The following KCTD1 variants were observed in gnomAD, a reference collection of about 807,000 sequenced individuals.
KCTD1 encodes the protein BTB/POZ domain-containing protein KCTD1.
Under a neutral mutation model 66.0 loss-of-function variants are expected in KCTD1, and 24 were observed. The observed-to-expected ratio is 0.36, with a 90% CI of 0.26 to 0.51. The LOEUF (loss-of-function observed/expected upper bound fraction) is 0.51. Ranked by LOEUF, KCTD1 falls within the 20% of genes least tolerant of loss-of-function variation. The probability of loss-of-function intolerance (pLI) is 0.95; values close to 1 mark genes in which losing one functional copy is unlikely to be tolerated. For missense variants in KCTD1, 943 were observed against 1,205.2 expected (o/e 0.78, Z 3.22); for synonymous variants, 511 against 517.2 (o/e 0.99, Z 0.16).
chr18:26,536,558 G>A (rs1449238787), intron 1 of KCTD1, among the ~76,000 whole-genome samples: 1 of 152,202 alleles, frequency 6.6e-6, no homozygotes, highest in South Asian at 2.1e-4. Flanking sequence ...CCATTTCTGA[G>A]ATACTAATAC....
intron 1 of KCTD1, among the ~76,000 whole-genome samples, chr18:26,529,271 C>A (rs1388548874): frequency 6.6e-6 from 1 of 152,174 alleles, no homozygotes; most frequent in East Asian, 1.9e-4. Context: ...CGCATCTCCC[C>A]CTCCACTCAA....
At chr18:26,517,964 C>A (rs1397156933) in intron 1 of KCTD1, among the ~76,000 whole-genome samples, 1 of 152,218 alleles carries the variant, frequency 6.6e-6, no homozygotes, top group East Asian at 1.9e-4. Flanking sequence ...AGTCCCCCAA[C>A]CAGGGCAAAG....
intron 1 of KCTD1, chr18:26,544,174 G>A (rs1985103648): frequency 6.6e-6 from 1 of 152,108 alleles, no homozygotes; most frequent in South Asian, 2.1e-4. Flanking sequence ...CCATTCAAGA[G>A]AATTAAAGAG....
intron 1 of KCTD1, among the ~76,000 whole-genome samples, chr18:26,567,464 A>G (rs1370310909): frequency 6.7e-6 from 1 of 148,726 alleles, no homozygotes; most frequent in Non-Finnish European, 1.5e-5. Flanking sequence ...GTTGTTCTAG[A>G]AATGCTGTTG....
chr18:26,617,523 T>G (rs1231973382), intron 1 of KCTD1, among the ~76,000 whole-genome samples: 1 of 152,232 alleles, frequency 6.6e-6, no homozygotes, highest in African/African-American at 2.4e-5. Flanking sequence ...TTGGGTACTA[T>G]TATTGAGCTG....
chr18:26,606,487 T>G (rs1012410076), intron 1 of KCTD1, among the ~76,000 whole-genome samples: 3 of 152,216 alleles, frequency 2.0e-5, no homozygotes, highest in Admixed American at 1.3e-4. Flanking sequence ...CTGGCTGGCC[T>G]CGTGACTTGC....
rs535388125 is a variant in KCTD1 at position 26,628,347 on chromosome 18, C to A, written c.-16+800G>T. On this transcript the variant is annotated intron_variant, in intron 1 of 4. Coordinates refer to the KCTD1 transcript ENST00000317932. ...ATACACACACACACATGCACACACACACACACAGACCTTTTTTCATAGATC... is the reference window on the plus strand; with the variant it reads ...ATACACACACACACATGCACACACAAACACACAGACCTTTTTTCATAGATC... Among the ~76,000 whole-genome samples, 3 of 152,282 alleles carry A rather than the reference C, an allele frequency of 2.0e-5. No homozygotes were observed. The South Asian group carries it at 6.2e-4, about 32-fold the overall frequency.
At chr18:26,629,610 C>G (rs553834545), upstream of KCTD1, among the ~76,000 whole-genome samples, 4 of 152,154 alleles carry the variant, frequency 2.6e-5, no homozygotes, top group Non-Finnish European at 5.9e-5. Flanking sequence ...TACATTGCAA[C>G]CTCAAAGATG....
intron 1 of KCTD1, among the ~76,000 whole-genome samples, chr18:26,625,545 T>C (rs1043392681): frequency 1.3e-5 from 2 of 152,172 alleles, no homozygotes; most frequent in Admixed American, 1.3e-4. Flanking sequence ...CCTTCCACCA[T>C]GATTGTAAGT....
In KCTD1 at chr18:26,548,176, G is replaced by A. The variant is rs1208297625; in HGVS notation, c.361C>T (p.His121Tyr). ...AGEELEPEPV[H>Y]MINMDQSAAL... The stretch of plus-strand genomic sequence containing the variant: ...GCGCTCTGGTCCATATTGATCATAT[G>A]GACCGGCTCGGGCTCCAGCTCCTCC... The change falls in exon 1 of 5, where the codon CAT becomes TAT. Residue 121 changes from histidine (H) to tyrosine (Y), a missense_variant. Physicochemically the swap from His to Tyr is moderately conservative, Grantham distance 83. Coordinates refer to ENST00000580059, the MANE Select transcript of KCTD1 (RefSeq NM_001142730.3). The A allele has an allele frequency of 2.0e-6, 3 of 1,492,728 alleles. No homozygotes were observed. The African/African-American group carries it at 4.2e-5, about 21-fold the overall frequency. The allele number at this position is 1,492,728 out of a possible 1,614,324, so 92.5% of individuals were successfully genotyped here.
chr18:26,654,257 A>T (rs1186181452), intron 1 of KCTD1, among the ~76,000 whole-genome samples: 1 of 152,226 alleles, frequency 6.6e-6, no homozygotes, highest in Non-Finnish European at 1.5e-5. Context: ...AAATAATTTG[A>T]TGCCAAAAGG....
intron 1 of KCTD1, among the ~76,000 whole-genome samples, chr18:26,518,316 T>G (rs1353915574): frequency 2.6e-5 from 4 of 152,172 alleles, no homozygotes; most frequent in African/African-American, 9.6e-5. Context: ...TTTTTTTTTT[T>G]GAGACAGAGT....
intron 1 of KCTD1, among the ~76,000 whole-genome samples, chr18:26,573,988 C>T (rs1986168145): frequency 6.6e-6 from 1 of 152,006 alleles, no homozygotes. Context: ...AACCAAAAGA[C>T]CCCCCAGGTT....
intron 2 of KCTD1, among the ~76,000 whole-genome samples, chr18:26,484,708 A>C (rs1289482769): frequency 1.3e-5 from 2 of 152,126 alleles, no homozygotes; most frequent in African/African-American, 4.8e-5. Context: ...TGGGGCCTTA[A>C]ACTGGGCATG....
intron 1 of KCTD1, among the ~76,000 whole-genome samples, chr18:26,578,057 C>CTTTCT (rs1986268366): frequency 8.5e-6 from 1 of 117,048 alleles, no homozygotes; most frequent in Non-Finnish European, 1.7e-5. Flanking sequence ...TCTTTTCTTT[C>CTTTCT]TTTTTTTTTT....
intron 1 of KCTD1, among the ~76,000 whole-genome samples, chr18:26,509,293 T>C (rs1475524186): frequency 6.6e-6 from 1 of 152,152 alleles, no homozygotes; most frequent in Non-Finnish European, 1.5e-5. Context: ...GTCTTCTGAG[T>C]ATCCACATTT....
Position 26,455,330 on chromosome 18 carries a change from A to AAGAC in KCTD1, c.*409_*412dup, listed in dbSNP as rs1332840076. 1.3e-5 allele frequency: 2 copies of AAGAC among 152,824 alleles called. No homozygotes were observed. Among genetic ancestry groups the AAGAC allele is most frequent in the African/African-American group, 4.8e-5 (2 of 41,428 alleles). The allele number at this position is 152,824 out of a possible 1,614,324, so 9.5% of individuals were successfully genotyped here. On this transcript the variant is annotated 3_prime_UTR_variant, in exon 5 of 5. Coordinates refer to ENST00000580059, the MANE Select transcript of KCTD1 (RefSeq NM_001142730.3). Reference sequence around the variant, plus strand: ...TTTTTTTAAAAAAAAAGGAAAAAGAAAGACAAAGGAAAAAAGAAATATGGA... The same window carrying AAGAC: ...TTTTTTTAAAAAAAAAGGAAAAAGAAAGACAGACAAAGGAAAAAAGAAATATGGA...
chr18:26,652,459 A>C (rs774918678), intron 1 of KCTD1, among the ~76,000 whole-genome samples: 38 of 152,204 alleles, frequency 2.5e-4, no homozygotes, highest in Admixed American at 5.2e-4. Context: ...ATGTAAACGG[A>C]CTTTTAAAAA....
At chr18:26,514,402 A>G (rs1983526058) in intron 1 of KCTD1, among the ~76,000 whole-genome samples, 1 of 151,940 alleles carries the variant, frequency 6.6e-6, no homozygotes, top group African/African-American at 2.4e-5. Flanking sequence ...AGATTAAAAA[A>G]CTGGCTGGGC....
Sources: gnomAD v4.1 joint callset for allele counts (sites outside exome capture counted in the v4.1 genomes callset) on GRCh38, gnomAD v4.1.1 for gene constraint, MANE v1.5 for transcripts, NCBI Gene and HGNC (gene_info 2026-07-23, HGNC 2026-07-21) for gene names.